Variants in BNC2 observed in about 807,000 individuals in gnomAD.
BNC2 encodes zinc finger protein basonuclin-2.
In BNC2, 20 loss-of-function variants were observed where a neutral mutation model predicts 76.3. The observed-to-expected ratio is 0.26, with a 90% confidence interval of 0.18 to 0.38. The LOEUF is 0.38. Ranked by LOEUF, BNC2 falls within the 10% of genes least tolerant of loss-of-function variation. BNC2 has a pLI of 1.00. For synonymous variants in BNC2, 582 were observed against 514.8 expected, an observed-to-expected ratio of 1.13 and a Z score of -1.77; for missense variants, 1,382 against 1,399.8, an observed-to-expected ratio of 0.99 and a Z score of 0.20.
intron 2 of BNC2, among the ~76,000 whole-genome samples, chr9:16,729,097 TAA>T (rs1824435373): frequency 6.6e-6 from 1 of 152,204 alleles, no homozygotes; most frequent in Admixed American, 6.5e-5. Flanking sequence ...ACACCCTTGA[TAA>T]CATGTCGTAT....
intron 4 of BNC2, among the ~76,000 whole-genome samples, chr9:16,560,758 T>C (rs1818987065): frequency 6.6e-6 from 1 of 152,146 alleles, no homozygotes; most frequent in African/African-American, 2.4e-5. Context: ...ATAAAAATGA[T>C]TTTTAGTTTT....
At chr9:16,437,783 C>A (rs1318878874) in intron 5 of BNC2, among the ~76,000 whole-genome samples, 1 of 152,166 alleles carries the variant, frequency 6.6e-6, no homozygotes, top group Non-Finnish European at 1.5e-5. Context: ...ACCACTGGGG[C>A]TCTGTGATCT....
chr9:16,675,924 G>A (rs1027896756), intron 3 of BNC2, among the ~76,000 whole-genome samples: 34 of 152,086 alleles, frequency 2.2e-4, no homozygotes, highest in African/African-American at 7.5e-4. Context: ...AATTAGCTGG[G>A]TGTGGTGGTG....
chr9:16,491,048 G>GTCCTGTC (rs1822268571), intron 5 of BNC2, among the ~76,000 whole-genome samples: 1 of 152,184 alleles, frequency 6.6e-6, no homozygotes. Flanking sequence ...GGACAGAGAC[G>GTCCTGTC]CAGACAGACA....
intron 3 of BNC2, among the ~76,000 whole-genome samples, chr9:16,669,098 C>G (rs1288016636): frequency 6.6e-6 from 1 of 152,136 alleles, no homozygotes; most frequent in African/African-American, 2.4e-5. Context: ...GGAAGACTTA[C>G]TGTAAATCAG....
chr9:16,632,745 C>T (rs1338275798), intron 3 of BNC2, among the ~76,000 whole-genome samples: 9 of 152,186 alleles, frequency 5.9e-5, no homozygotes, highest in East Asian at 1.9e-4. Flanking sequence ...TCTAATTTAA[C>T]GCCATCTGGT....
intron 2 of BNC2, among the ~76,000 whole-genome samples, chr9:16,731,675 G>T (rs555902740): frequency 2.7e-4 from 41 of 152,174 alleles, no homozygotes; most frequent in Non-Finnish European, 4.9e-4. Context: ...AACTTAAAAA[G>T]AAATCTTTAT....
At chr9:16,700,931 G>A (rs1427781353) in intron 3 of BNC2, among the ~76,000 whole-genome samples, 1 of 152,102 alleles carries the variant, frequency 6.6e-6, no homozygotes, top group South Asian at 2.1e-4. Flanking sequence ...TCTGTCTCAA[G>A]AATAAATAAA....
intron 1 of BNC2, among the ~76,000 whole-genome samples, chr9:16,851,631 T>C (rs184042444): frequency 3.9e-5 from 6 of 152,376 alleles, no homozygotes; most frequent in South Asian, 4.1e-4. Flanking sequence ...AAACTTTTCA[T>C]AGCAATGAAT....
chr9:16,458,203 G>A (rs964044720), intron 5 of BNC2, among the ~76,000 whole-genome samples: 2 of 148,312 alleles, frequency 1.3e-5, no homozygotes, highest in African/African-American at 5.2e-5. Context: ...TAAGGCTCAT[G>A]GAAGCCAAGG....
intron 3 of BNC2, among the ~76,000 whole-genome samples, chr9:16,603,291 T>A (rs1820293241): frequency 6.6e-6 from 1 of 152,214 alleles, no homozygotes; most frequent in Non-Finnish European, 1.5e-5. Context: ...AAAATTTACT[T>A]CTACACAGTG....
In BNC2 at chr9:16,552,743, C is replaced by G; in HGVS notation, c.456G>C (p.Gln152His). 1 of 1,614,130 alleles carries G rather than the reference C, an allele frequency of 6.2e-7. No homozygotes were observed. Among genetic ancestry groups the G allele is most frequent in the Non-Finnish European group, 8.5e-7 (1 of 1,180,008 alleles). Residue 152 changes from glutamine (Q) to histidine (H), a missense_variant, in exon 5 of 7, where the codon CAG (glutamine) becomes CAC (histidine). Coordinates refer to ENST00000380672, the MANE Select transcript of BNC2 (RefSeq NM_017637.6). ...VAHALDKLST[Q>H]HLYHPTQVEI... is the part of the protein sequence containing the mutation. ...CCACTTGGGTGGGGTGGTACAGGTG[C>G]TGCGTGCTGAGCTTATCCAAGGCTG...
At chr9:16,579,332 G>C (rs573474215) in intron 4 of BNC2, among the ~76,000 whole-genome samples, 1 of 151,746 alleles carries the variant, frequency 6.6e-6, no homozygotes, top group Non-Finnish European at 1.5e-5. Flanking sequence ...ACCCAGATTG[G>C]AATGTGGTGG....
At chr9:16,689,653 A>G (rs1823092990) in intron 3 of BNC2, among the ~76,000 whole-genome samples, 1 of 152,108 alleles carries the variant, frequency 6.6e-6, no homozygotes, top group Non-Finnish European at 1.5e-5. Flanking sequence ...TTTAAAAAAA[A>G]AAAAAGAGGG....
intron 5 of BNC2, among the ~76,000 whole-genome samples, chr9:16,481,856 G>C (rs1335502230): frequency 6.6e-6 from 1 of 152,208 alleles, no homozygotes; most frequent in African/African-American, 2.4e-5. Context: ...CAAAGAATAT[G>C]TGTGATCTTA....
intron 3 of BNC2, among the ~76,000 whole-genome samples, chr9:16,685,044 C>T (rs956144447): frequency 3.3e-5 from 5 of 152,138 alleles, no homozygotes; most frequent in East Asian, 3.9e-4. Flanking sequence ...TCTCCTGAGC[C>T]GGGAGACCAT....
At chr9:16,540,943 T>G (rs1359229830) in intron 5 of BNC2, among the ~76,000 whole-genome samples, 1 of 152,232 alleles carries the variant, frequency 6.6e-6, no homozygotes, top group Non-Finnish European at 1.5e-5. Flanking sequence ...TCCAGGGTTC[T>G]TACTCGCCCT....
intron 3 of BNC2, chr9:16,727,010 C>A (rs1824349196): frequency 6.6e-6 from 1 of 152,286 alleles, no homozygotes. Flanking sequence ...CCTCGCGCTA[C>A]CACGTCGGCT....
At chr9:16,532,176 T>C (rs567774115) in intron 5 of BNC2, among the ~76,000 whole-genome samples, 16 of 152,028 alleles carry the variant, frequency 1.1e-4, no homozygotes, top group Admixed American at 3.3e-4. Flanking sequence ...CTATAGGATC[T>C]GCTTATTATT....
Sources: gnomAD v4.1 joint callset for allele counts (sites outside exome capture counted in the v4.1 genomes callset) on GRCh38, gnomAD v4.1.1 for gene constraint, MANE v1.5 for transcripts, NCBI Gene and HGNC (gene_info 2026-07-23, HGNC 2026-07-21) for gene names.